The following FBLN1 variants were observed in gnomAD, a reference collection of about 807,000 sequenced individuals.
The protein encoded by FBLN1 is fibulin-1.
In FBLN1, 34 loss-of-function variants were observed where a neutral mutation model predicts 89.7. That is an observed-to-expected ratio of 0.38 (90% confidence interval 0.29 to 0.50). FBLN1 has a LOEUF of 0.50. Among genes scored for constraint, FBLN1 ranks in the 20% least tolerant of loss-of-function variants. FBLN1 has a pLI of 0.92. For missense variants in FBLN1, 777 were observed against 988.1 expected (o/e 0.79, Z 2.86); for synonymous variants, 393 against 391.3 (o/e 1.00, Z -0.05).
In FBLN1 at chr22:45,581,179, C is replaced by T. The variant is rs958455134; in HGVS notation, c.1972+4071C>T. Among the ~76,000 whole-genome samples the T allele has an allele frequency of 1.5e-4, 23 of 152,184 alleles. No individual in the cohort carries two copies. Among genetic ancestry groups the T allele is most frequent in the African/African-American group, 5.5e-4 (23 of 41,458 alleles). On this transcript the variant is annotated intron_variant, in intron 16 of 16. Coordinates refer to ENST00000327858, the MANE Select transcript of FBLN1 (RefSeq NM_006486.3). This position sits in a 1 kb window ranked among gnomAD's most constrained non-coding sequence, Gnocchi z 7.6. ...GCAGCAGGGGCGGGCTGTGTATCAT[C>T]AGCGTGCGGAAGAGAGAGACAGAAA...
chr22:45,516,442 T>A (rs2088170826), intron 1 of FBLN1, among the ~76,000 whole-genome samples: 1 of 152,138 alleles, frequency 6.6e-6, no homozygotes, highest in Middle Eastern at 3.2e-3. Context: ...GCTTAGTGAG[T>A]ACTTTTGCTT....
At chr22:45,524,374 C>G (rs1334316576) in intron 2 of FBLN1, among the ~76,000 whole-genome samples, 1 of 152,228 alleles carries the variant, frequency 6.6e-6, no homozygotes, top group African/African-American at 2.4e-5. Flanking sequence ...TGGAGCCCGC[C>G]CACGCCAGCC....
chr22:45,531,171 C>A lies in FBLN1; in HGVS notation c.485-94C>A. 3 of 1,073,552 alleles carry A rather than the reference C, an allele frequency of 2.8e-6. No homozygotes were observed. Among genetic ancestry groups the A allele is most frequent in the Non-Finnish European group, 2.9e-6 (2 of 688,194 alleles). 66.5% of individuals were successfully genotyped at this position (1,073,552 alleles called of 1,614,324 possible). A position where few individuals can be genotyped will look rare whatever the true frequency, so the allele number is the denominator to read the frequency against. On this transcript the variant is annotated intron_variant, in intron 4 of 16. Coordinates refer to ENST00000327858, the MANE Select transcript of FBLN1 (RefSeq NM_006486.3). This position sits in a 1 kb window ranked among gnomAD's most constrained non-coding sequence, Gnocchi z 4.9. ...TAAGATGTTCAAATGGGCATTACTG[C>A]CTGATAGTGACAAGAAGAGAGAATG...
chr22:45,507,531 T>A (rs952012072), intron 1 of FBLN1, among the ~76,000 whole-genome samples: 18 of 152,176 alleles, frequency 1.2e-4, no homozygotes, highest in African/African-American at 4.3e-4. Flanking sequence ...ATTTTTATTT[T>A]TTATTATTAT....
intron 11 of FBLN1, among the ~76,000 whole-genome samples, chr22:45,544,375 C>A (rs1480532541): frequency 6.6e-6 from 1 of 152,178 alleles, no homozygotes; most frequent in African/African-American, 2.4e-5. Context: ...GCGTGAGCCA[C>A]CGCGCCCGGC....
rs544878186 is a variant in FBLN1, at chr22:45,561,129, T to C, written c.1697+10514T>C. Among the ~76,000 whole-genome samples the C allele has an allele frequency of 4.3e-4, 65 of 152,350 alleles. No individual in the cohort carries two copies. The highest frequency in any genetic ancestry group is 7.3e-4 in the Non-Finnish European group (50 of 68,034). On this transcript the variant is annotated intron_variant, in intron 14 of 16. Coordinates refer to ENST00000327858, the MANE Select transcript of FBLN1 (RefSeq NM_006486.3). This position sits in a 1 kb window ranked among gnomAD's most constrained non-coding sequence, Gnocchi z 4.7. ...TTCCAAGTTGCAGGGTCCCATTCTT[T>C]TTCAATCAATGCCCTCACTTTAACA...
intron 16 of FBLN1, among the ~76,000 whole-genome samples, chr22:45,599,483 C>T (rs1034750487): frequency 6.6e-6 from 1 of 152,082 alleles, no homozygotes. Flanking sequence ...CCATTGCAGT[C>T]CTCAGATGTT....
At chr22:45,543,903 C>G (rs969858207) in intron 11 of FBLN1, among the ~76,000 whole-genome samples, 2 of 152,216 alleles carry the variant, frequency 1.3e-5, no homozygotes, top group African/African-American at 4.8e-5. Context: ...GCAGCGAAAA[C>G]TGGACACTTG....
chr22:45,600,529 C>G lies in FBLN1; in HGVS notation c.*83C>G. 1 of 1,516,752 alleles carries G rather than the reference C, an allele frequency of 6.6e-7. No individual in the cohort carries two copies. The highest frequency in any genetic ancestry group is 1.4e-5 in the African/African-American group (1 of 73,008). The allele number at this position is 1,516,752 out of a possible 1,614,324, so 94.0% of individuals were successfully genotyped here. On this transcript the variant is annotated 3_prime_UTR_variant, in exon 17 of 17. Transcript: ENST00000327858. ...GACTGTGGTCTGTACTTGTTTATAC[C>G]CTCAGACTTTTTTAATGTTAGGTAT... is the stretch of plus-strand genomic sequence containing the variant.
chr22:45,573,692 A>AAAC (rs1569262038), intron 14 of FBLN1, among the ~76,000 whole-genome samples: 1 of 149,496 alleles, frequency 6.7e-6, no homozygotes, highest in African/African-American at 2.5e-5. Context: ...AAAAAAAAAA[A>AAAC]AAAAAAAAAC....
intron 1 of FBLN1, among the ~76,000 whole-genome samples, chr22:45,504,940 C>A (rs1352632485): frequency 6.6e-6 from 1 of 152,224 alleles, no homozygotes; most frequent in Non-Finnish European, 1.5e-5. Flanking sequence ...CTTTTGAAGA[C>A]TGCCTGGCCC....
At chr22:45,552,779 G>A (rs1046491332) in intron 14 of FBLN1, among the ~76,000 whole-genome samples, 1 of 152,206 alleles carries the variant, frequency 6.6e-6, no homozygotes, top group Non-Finnish European at 1.5e-5. Context: ...AAGCTGGGCC[G>A]CAAACCACAG....
chr22:45,533,802 G>A lies in FBLN1; in HGVS notation c.688G>A (p.Gly230Arg). 6.2e-7 allele frequency: 1 copy of A among 1,613,662 alleles called. No homozygotes were observed. The highest frequency in any genetic ancestry group is 1.1e-5 in the South Asian group (1 of 91,078). The change falls in exon 7 of 17, where the codon GGA becomes AGA. Residue 230 changes from glycine (G) to arginine (R), a missense_variant. Gly to Arg is a moderately radical substitution (Grantham distance 125). Transcript: ENST00000327858. ...CACGGGCAGCCACAGCTGCCGGCTT[G>A]GAGAATCCTGCATCAACACAGTGGG... is the stretch of plus-strand genomic sequence containing the variant. ...CITGSHSCRL[G>R]ESCINTVGSF...
chr22:45,553,182 C>T (rs538016451), intron 14 of FBLN1, among the ~76,000 whole-genome samples: 4 of 152,350 alleles, frequency 2.6e-5, no homozygotes, highest in South Asian at 2.1e-4. Flanking sequence ...CCAGAACTGC[C>T]GTGCCTCCCA....
At chr22:45,569,275 C>T (rs1439112146) in intron 14 of FBLN1, among the ~76,000 whole-genome samples, 1 of 152,180 alleles carries the variant, frequency 6.6e-6, no homozygotes, top group African/African-American at 2.4e-5. Flanking sequence ...CAGTCACATT[C>T]AACGAGGTAA....
intron 16 of FBLN1, among the ~76,000 whole-genome samples, chr22:45,598,013 G>T (rs980739607): frequency 3.3e-5 from 5 of 152,196 alleles, no homozygotes; most frequent in African/African-American, 9.6e-5. Flanking sequence ...CCTTTGCTGT[G>T]TCCTGGGCAC....
chr22:45,507,552 G>A (rs956449623), intron 1 of FBLN1, among the ~76,000 whole-genome samples: 2 of 151,940 alleles, frequency 1.3e-5, no homozygotes, highest in African/African-American at 4.8e-5. Context: ...TTTTGAGACG[G>A]GGTCTCACTC....
chr22:45,566,525 A>AT (rs1196678093), intron 14 of FBLN1, among the ~76,000 whole-genome samples: 1 of 152,154 alleles, frequency 6.6e-6, no homozygotes, highest in African/African-American at 2.4e-5. Flanking sequence ...AGGAGGTTGA[A>AT]TTTCCTTCTT....
chr22:45,600,239 C>T (rs984619864), intron 16 of FBLN1, 68 bp from the exon 17 acceptor site: 73 of 1,597,014 alleles, frequency 4.6e-5, no homozygotes, highest in Non-Finnish European at 5.8e-5. Flanking sequence ...CAAGGGAAAC[C>T]ATTTCCCAGA....
Sources: allele counts gnomAD v4.1 joint callset (sites outside exome capture counted in the v4.1 genomes callset), GRCh38; gene constraint gnomAD v4.1.1; non-coding constraint Gnocchi (gnomAD v3.1); transcripts MANE v1.5; gene names NCBI Gene and HGNC (gene_info 2026-07-23, HGNC 2026-07-21).